FRMPD3: variants seen among roughly 807,000 people sequenced by gnomAD.
FRMPD3 encodes FERM and PDZ domain containing 3, also known as FERM and PDZ domain-containing protein 3.
In FRMPD3, 42 loss-of-function variants were observed where a neutral mutation model predicts 97.9. The observed-to-expected ratio is 0.43, with a 90% CI of 0.34 to 0.55. The LOEUF is 0.55. FRMPD3 is among the 20% of genes least tolerant of loss of function. The pLI is 0.03. For missense variants in FRMPD3, 1,303 were observed against 1,457.7 expected (o/e 0.89, Z 1.73); for synonymous variants, 577 against 581.1 (o/e 0.99, Z 0.10).
chrX:107,522,763 A>G (rs1034997108), intron 1 of FRMPD3, among the ~76,000 whole-genome samples: 5 of 112,242 alleles, frequency 4.5e-5, no homozygotes, highest in Non-Finnish European at 9.4e-5. Context: ...GAGAAAGGCT[A>G]GGCCTTTACC....
Position 107,604,511 on chromosome X carries a change from CACCTTGACACACACCTCCTA to C in FRMPD3, c.*1139_*1158del, listed in dbSNP as rs2147664199. Reference sequence around the variant, plus strand: ...AAGGGAATTCACACTGTTTAACATCCACCTTGACACACACCTCCTATTGCCACCACCGCTGCCACCACCAC... The same window carrying C: ...AAGGGAATTCACACTGTTTAACATCCTTGCCACCACCGCTGCCACCACCAC... On this transcript the variant is annotated 3_prime_UTR_variant, in exon 15 of 15. Transcript: ENST00000683843. 3 of 108,987 alleles carry C rather than the reference CACCTTGACACACACCTCCTA, an allele frequency of 2.8e-5. No homozygotes were observed. Among genetic ancestry groups the C allele is most frequent in the South Asian group, 6.6e-4 (2 of 3,038 alleles). 9.0% of individuals were successfully genotyped at this position (108,987 alleles called of 1,213,427 possible). A position where few individuals can be genotyped will look rare whatever the true frequency, so the allele number is the denominator to read the frequency against.
intron 3 of FRMPD3, among the ~76,000 whole-genome samples, chrX:107,531,917 T>G (rs1922986060): frequency 8.9e-6 from 1 of 111,951 alleles, no homozygotes; most frequent in African/African-American, 3.3e-5. Context: ...ACACTCTTGA[T>G]AACCTTGGGA....
chrX:107,514,745 C>T lies in FRMPD3; in HGVS notation c.-7-11837C>T, dbSNP rs901928433. Among the ~76,000 whole-genome samples, 6 of 110,546 alleles carry T rather than the reference C, an allele frequency of 5.4e-5. No individual in the cohort carries two copies. In the East Asian group the frequency reaches 8.5e-4, roughly 16 times the overall value. On this transcript the variant is annotated intron_variant, in intron 1 of 14. Coordinates refer to ENST00000683843, the MANE Select transcript of FRMPD3 (RefSeq NM_001388459.1). ...TTCACCATGTTGGCCAGTCTGGTCT[C>T]GAACTTCTGACCTCAGGTGATCTGC...
intron 1 of FRMPD3, among the ~76,000 whole-genome samples, chrX:107,451,668 C>A (rs1227007528): frequency 8.9e-6 from 1 of 112,606 alleles, no homozygotes; most frequent in Non-Finnish European, 1.9e-5. Flanking sequence ...AGCGTCTACC[C>A]AATTTCATGG....
At position 107,592,788 on chromosome X, in the gene FRMPD3, C is replaced by T. The variant is rs750735976; in HGVS notation, c.1442-4533C>T. ...TTTTTTTTTTATTTTTAAATTATGA[C>T]CATTCTTTTTTTTTTTTTTTTTTTT... On this transcript the variant is annotated intron_variant, in intron 13 of 14. Transcript: ENST00000683843. Among the ~76,000 whole-genome samples, 194 of 103,000 alleles carry T rather than the reference C, an allele frequency of 1.9e-3. 3 individuals carry two copies. The highest frequency in any genetic ancestry group is 7.0e-3 in the African/African-American group (184 of 26,219). The allele number at this position is 103,000 out of a possible 115,157, so 89.4% of individuals were successfully genotyped here.
intron 12 of FRMPD3, among the ~76,000 whole-genome samples, chrX:107,575,596 G>A (rs193230209): frequency 4.5e-5 from 5 of 111,219 alleles, no homozygotes; most frequent in South Asian, 3.8e-4. Flanking sequence ...GATTACTGGC[G>A]CCTGCCACCA....
intron 8 of FRMPD3, among the ~76,000 whole-genome samples, chrX:107,557,838 T>TAG (rs1922168076): frequency 5.5e-5 from 4 of 72,911 alleles, no homozygotes; most frequent in Non-Finnish European, 1.0e-4. Context: ...TATATATATA[T>TAG]ATAGATCTAT....
At chrX:107,595,247 G>A (rs1234586383) in intron 13 of FRMPD3, among the ~76,000 whole-genome samples, 6 of 110,038 alleles carry the variant, frequency 5.5e-5, no homozygotes, top group African/African-American at 2.0e-4. Context: ...AGCCCAGGAG[G>A]TGAAGGTTGC....
At chrX:107,462,670 G>A (rs1295966708) in intron 1 of FRMPD3, among the ~76,000 whole-genome samples, 1 of 111,564 alleles carries the variant, frequency 9.0e-6, no homozygotes, top group East Asian at 2.8e-4. Context: ...ACCCCTTTAG[G>A]AAGCCCCTGG....
In FRMPD3 at chrX:107,509,209, G is replaced by A. The variant is rs181101914; in HGVS notation, c.-7-17373G>A. ...TTATAGCTCCTCACTGTTGGCCCTG[G>A]CCCATTCATAGAGCTGGCTCCGCAA... On this transcript the variant is annotated intron_variant, in intron 1 of 14. Transcript: ENST00000683843. Among the ~76,000 whole-genome samples the A allele has an allele frequency of 3.3e-4, 37 of 112,529 alleles. No homozygotes were observed. In the East Asian group the frequency reaches 8.4e-3, roughly 26 times the overall value.
chrX:107,604,685 G>A lies in FRMPD3; in HGVS notation c.*1312G>A, dbSNP rs1427793559. 9.4e-6 allele frequency: 1 copy of A among 106,518 alleles called. No homozygotes were observed. Among genetic ancestry groups the A allele is most frequent in the African/African-American group, 3.5e-5 (1 of 28,966 alleles). 8.8% of individuals were successfully genotyped at this position (106,518 alleles called of 1,213,427 possible). A position where few individuals can be genotyped will look rare whatever the true frequency, so the allele number is the denominator to read the frequency against. Reference sequence around the variant, plus strand: ...AGAAAGCCAATGTTTCTTCTGTATAGATTGCTTCTCGTCCGCCTCTCCATA... The same window carrying A: ...AGAAAGCCAATGTTTCTTCTGTATAAATTGCTTCTCGTCCGCCTCTCCATA... On this transcript the variant is annotated 3_prime_UTR_variant, in exon 15 of 15. Transcript: ENST00000683843.
At chrX:107,483,820 G>A (rs1296331541) in intron 1 of FRMPD3, among the ~76,000 whole-genome samples, 2 of 111,513 alleles carry the variant, frequency 1.8e-5, no homozygotes, top group South Asian at 3.8e-4. Flanking sequence ...GGTGGGGTTC[G>A]CTGAGCTCCC....
intron 13 of FRMPD3, among the ~76,000 whole-genome samples, chrX:107,576,894 G>C (rs1165711095): frequency 1.8e-5 from 2 of 110,489 alleles, no homozygotes; most frequent in African/African-American, 3.3e-5. Flanking sequence ...TCACATATTA[G>C]ACCTAAGGCT....
At chrX:107,491,716 G>A (rs963918753) in intron 1 of FRMPD3, among the ~76,000 whole-genome samples, 4 of 111,454 alleles carry the variant, frequency 3.6e-5, no homozygotes, top group Admixed American at 2.8e-4. Context: ...ATGAGCAAAT[G>A]CCCTCCTGAA....
In FRMPD3 at chrX:107,505,483, C is replaced by G. The variant is rs1239013709; in HGVS notation, c.-7-21099C>G. ...ATGCTAGTAAATATTTGCTAAATGA[C>G]CAGGAGGCAGAGGTTGCAGTGAGCT... On this transcript the variant is annotated intron_variant, in intron 1 of 14. Coordinates refer to ENST00000683843, the MANE Select transcript of FRMPD3 (RefSeq NM_001388459.1). 2.7e-5 allele frequency among the ~76,000 whole-genome samples: 3 copies of G among 112,247 alleles called. No individual in the cohort carries two copies. The East Asian group carries it at 8.3e-4, about 31-fold the overall frequency.
In FRMPD3 at chrX:107,526,607, AATGAT is replaced by A. The variant is rs747023807; in HGVS notation, c.23_27del (p.Asp8GlyfsTer3). 1.0e-5 allele frequency: 12 copies of A among 1,200,559 alleles called. No homozygotes were observed. In the East Asian group the frequency reaches 3.3e-4, roughly 33 times the overall value. ...TCATGTGATGCAGGAAGAGAGCGCAAATGATATGGAATGTGAGCAGCTGCCAGCAG... is the reference window on the plus strand; with the variant it reads ...TCATGTGATGCAGGAAGAGAGCGCAAATGGAATGTGAGCAGCTGCCAGCAG... On this transcript the variant is annotated frameshift_variant, in exon 2 of 15. Coordinates refer to ENST00000683843, the MANE Select transcript of FRMPD3 (RefSeq NM_001388459.1). LOFTEE classifies it high-confidence loss of function.
intron 1 of FRMPD3, among the ~76,000 whole-genome samples, chrX:107,510,725 T>C (rs1922144193): frequency 8.9e-6 from 1 of 112,258 alleles, no homozygotes; most frequent in African/African-American, 3.2e-5. Context: ...GAATAAAAGG[T>C]GTCTCATTGT....
chrX:107,538,360 G>A (rs1284533059), intron 4 of FRMPD3, among the ~76,000 whole-genome samples: 1 of 108,926 alleles, frequency 9.2e-6, no homozygotes, highest in Non-Finnish European at 1.9e-5. Context: ...TGTGTTTAAT[G>A]TTATACCCCC....
At chrX:107,566,699 T>C (rs1922617119) in intron 12 of FRMPD3, among the ~76,000 whole-genome samples, 1 of 113,348 alleles carries the variant, frequency 8.8e-6, no homozygotes, top group Admixed American at 9.3e-5. Context: ...GAGATTATGA[T>C]TTCTTTGGTC....
Sources: allele counts gnomAD v4.1 joint callset (sites outside exome capture counted in the v4.1 genomes callset), GRCh38; gene constraint gnomAD v4.1.1; transcripts MANE v1.5; gene names NCBI Gene and HGNC (gene_info 2026-07-23, HGNC 2026-07-21).